Variants in SIM2 observed in about 807,000 individuals in gnomAD.
SIM2 encodes the protein SIM bHLH transcription factor 2.
In SIM2, 28 loss-of-function variants were observed where a neutral mutation model predicts 64.8. The ratio of observed to expected loss-of-function variants is 0.43; its 90% confidence interval spans 0.32 to 0.59. The LOEUF (loss-of-function observed/expected upper bound fraction) is 0.59, where lower values mean the gene tolerates loss of function less well. Among genes scored for constraint, SIM2 ranks in the 20% least tolerant of loss-of-function variants. The pLI is 0.07. For missense variants in SIM2, 847 were observed against 871.4 expected (o/e 0.97, Z 0.35); for synonymous variants, 408 against 391.1 (o/e 1.04, Z -0.51).
chr21:36,744,934 G>A lies in SIM2; in HGVS notation c.1374G>A (p.Lys458=). The A allele has an allele frequency of 6.2e-6, 10 of 1,614,250 alleles. No individual in the cohort carries two copies. The highest frequency in any genetic ancestry group is 7.6e-6 in the Non-Finnish European group (9 of 1,180,042). Residue 458 remains lysine, a synonymous_variant, in exon 10 of 11, where the codon AAG becomes AAA. Transcript: ENST00000290399. The stretch of plus-strand genomic sequence containing the variant: ...ACTCTCACGTCTTCAGCAGCAAAAA[G>A]CCAATGTTGCCGGCCAAGTTCGGGC... ...PLDSHVFSSK[K]PMLPAKFGQP...
rs201184834 is a variant in SIM2, at chr21:36,726,178, C to T, written c.603C>T (p.Tyr201=). 131 of 1,613,898 alleles carry T rather than the reference C, an allele frequency of 8.1e-5. No individual in the cohort carries two copies. Among genetic ancestry groups the T allele is most frequent in the South Asian group, 3.0e-4 (27 of 91,080 alleles). The change falls in exon 6 of 11, where the codon TAC becomes TAT. Residue 201 remains tyrosine (Y), a synonymous_variant. Transcript: ENST00000290399. This position sits in a 1 kb window ranked among gnomAD's most constrained non-coding sequence, Gnocchi z 4.5. ...AGTATATGCTGGACATGTCCCTGTA[C>T]GACTCCTGCTACCAGATTGTGGGGC... ...IRQYMLDMSL[Y]DSCYQIVGLV...
At chr21:36,732,561 C>T (rs1343404761) in intron 7 of SIM2, among the ~76,000 whole-genome samples, 2 of 152,206 alleles carry the variant, frequency 1.3e-5, no homozygotes, top group Admixed American at 6.5e-5. Flanking sequence ...GACAGAAACC[C>T]GTGACAACCA....
chr21:36,737,961 CAAAA>C (rs61252184), intron 7 of SIM2, among the ~76,000 whole-genome samples: 4 of 34,116 alleles, frequency 1.2e-4, no homozygotes, highest in Non-Finnish European at 2.1e-4. Context: ...GACCCTGTCT[CAAAA>C]AAAAAAAAAA....
In SIM2 at chr21:36,726,202, G is replaced by A; in HGVS notation, c.627G>A (p.Gly209=). 6.2e-7 allele frequency: 1 copy of A among 1,613,940 alleles called. No individual in the cohort carries two copies. Among genetic ancestry groups the A allele is most frequent in the Non-Finnish European group, 8.5e-7 (1 of 1,180,010 alleles). Residue 209 remains glycine, a synonymous_variant, in exon 6 of 11, where the codon GGG becomes GGA. Transcript: ENST00000290399. This position sits in a 1 kb window ranked among gnomAD's most constrained non-coding sequence, Gnocchi z 4.5. The part of the protein sequence containing the change: ...SLYDSCYQIV[G]LVAVGQSLPP... The stretch of plus-strand genomic sequence containing the variant: ...ACGACTCCTGCTACCAGATTGTGGG[G>A]CTGGTGGCCGTGGGCCAGTCGCTGC...
Position 36,749,421 on chromosome 21 carries a change from A to G in SIM2, c.*1329A>G, listed in dbSNP as rs1454456278. The stretch of plus-strand genomic sequence containing the variant: ...TCGTTCTAAAATCAAGTGCACCTAC[A>G]CCAACTGCTCTCAAAATGTGAACTG... On this transcript the variant is annotated 3_prime_UTR_variant, in exon 11 of 11. Transcript: ENST00000290399. 6.7e-6 allele frequency: 1 copy of G among 150,116 alleles called. No homozygotes were observed. The highest frequency in any genetic ancestry group is 2.5e-5 in the African/African-American group (1 of 40,616). The allele number at this position is 150,116 out of a possible 1,614,324, so 9.3% of individuals were successfully genotyped here.
At chr21:36,728,818 C>T (rs1601701580) in intron 6 of SIM2, among the ~76,000 whole-genome samples, 1 of 152,346 alleles carries the variant, frequency 6.6e-6, no homozygotes, top group African/African-American at 2.4e-5. Context: ...TGCCCGAAGT[C>T]CAGCGGCCCC....
At chr21:36,735,719 T>C (rs892255200) in intron 7 of SIM2, among the ~76,000 whole-genome samples, 1 of 152,196 alleles carries the variant, frequency 6.6e-6, no homozygotes, top group African/African-American at 2.4e-5. Context: ...CCAGGCACAA[T>C]TCAGCCCTCA....
At position 36,749,673 on chromosome 21, in the gene SIM2, A is replaced by C. The variant is rs2089308942; in HGVS notation, c.*1581A>C. On this transcript the variant is annotated 3_prime_UTR_variant, in exon 11 of 11. Transcript: ENST00000290399. ...CCTTGTGAGTGTGTGCACAGGAAAT[A>C]AGCCGAGGGTATTATTTTTTTATGT... The C allele has an allele frequency of 6.6e-6, 1 of 152,186 alleles. No homozygotes were observed. The highest frequency in any genetic ancestry group is 2.1e-4 in the South Asian group (1 of 4,834). The allele number at this position is 152,186 out of a possible 1,614,324, so 9.4% of individuals were successfully genotyped here.
At chr21:36,706,986 A>G (rs998608095) in intron 1 of SIM2, among the ~76,000 whole-genome samples, 29 of 152,234 alleles carry the variant, frequency 1.9e-4, no homozygotes, top group African/African-American at 6.8e-4. Context: ...GGAAGCTTTC[A>G]GGAGATCCCG....
In SIM2 at chr21:36,744,695, G is replaced by A. The variant is rs574977504; in HGVS notation, c.1168-33G>A. On this transcript the variant is annotated intron_variant, in intron 9 of 10. Coordinates refer to ENST00000290399, the MANE Select transcript of SIM2 (RefSeq NM_005069.6). ...GAAGGCAGCTTCCTGCCGGCCCCTC[G>A]CTGGCCCTTCATCCATCTTCTTTGC... is the stretch of plus-strand genomic sequence containing the variant. 126 of 1,535,120 alleles carry A rather than the reference G, an allele frequency of 8.2e-5. 2 individuals carry two copies. The South Asian group carries it at 1.4e-3, about 17-fold the overall frequency.
intron 4 of SIM2, 46 bp downstream of exon 4, chr21:36,719,975 G>C (rs771319526): frequency 7.5e-7 from 1 of 1,329,282 alleles, no homozygotes; most frequent in African/African-American, 1.5e-5. Flanking sequence ...AAAGCAAGGC[G>C]ACATTCTTAA....
chr21:36,743,283 A>G (rs1285774669), intron 8 of SIM2, 104 bp from the exon 9 acceptor site: 1 of 948,876 alleles, frequency 1.1e-6, no homozygotes, highest in Admixed American at 2.3e-5. Flanking sequence ...CAGTGAAAAG[A>G]CACACTGGAG....
chr21:36,743,920 C>A (rs2089195784), intron 9 of SIM2, among the ~76,000 whole-genome samples: 1 of 152,210 alleles, frequency 6.6e-6, no homozygotes, highest in African/African-American at 2.4e-5. Context: ...AAAGCCCTCC[C>A]TCTTTTTAAA....
At chr21:36,731,347 G>C (rs1276681224) in intron 7 of SIM2, among the ~76,000 whole-genome samples, 196 bp downstream of exon 7, 2 of 152,132 alleles carry the variant, frequency 1.3e-5, no homozygotes, top group African/African-American at 4.8e-5. Flanking sequence ...AAGCAGCCAC[G>C]CGCACCCTTT....
chr21:36,738,062 C>A (rs1318363373), intron 7 of SIM2, among the ~76,000 whole-genome samples: 2 of 151,024 alleles, frequency 1.3e-5, no homozygotes, highest in Admixed American at 1.3e-4. Flanking sequence ...AAGAGCTTAG[C>A]GAGCACTAGT....
In SIM2 at chr21:36,699,742, G is replaced by T. The variant is rs767710323; in HGVS notation, c.-5G>T. On this transcript the variant is annotated 5_prime_UTR_variant, in exon 1 of 11. Transcript: ENST00000290399. The surrounding 1 kb of genome is among the most constrained non-coding windows in gnomAD (Gnocchi z 5.6). ...CGGGTCTAATATGCCCGGAGCCGAG[G>T]CGCGATGAAGGAGAAGTCCAAGAAT... is the stretch of plus-strand genomic sequence containing the variant. The T allele has an allele frequency of 1.2e-6, 2 of 1,612,212 alleles. No individual in the cohort carries two copies. Among genetic ancestry groups the T allele is most frequent in the South Asian group, 2.2e-5 (2 of 90,882 alleles).
chr21:36,727,420 GC>G (rs2088906584), intron 6 of SIM2, among the ~76,000 whole-genome samples: 1 of 152,202 alleles, frequency 6.6e-6, no homozygotes, highest in South Asian at 2.1e-4. Flanking sequence ...ACATTGTGAT[GC>G]TTTGACACAT....
At chr21:36,746,123 C>A in intron 10 of SIM2, 1 of 399,232 alleles carries the variant, frequency 2.5e-6, no homozygotes, top group Non-Finnish European at 3.7e-6. Context: ...TGCGACAAGC[C>A]TGCCAACAAG....
At chr21:36,737,961 C>CAAAAAAA (rs61252184) in intron 7 of SIM2, among the ~76,000 whole-genome samples, 8,402 of 33,954 alleles carry the variant, frequency 0.25, 1,861 homozygotes, top group Non-Finnish European at 0.31. Flanking sequence ...GACCCTGTCT[C>CAAAAAAA]AAAAAAAAAA....
Sources: gnomAD v4.1 joint callset for allele counts (sites outside exome capture counted in the v4.1 genomes callset) on GRCh38, gnomAD v4.1.1 for gene constraint, Gnocchi (gnomAD v3.1) non-coding constraint, MANE v1.5 for transcripts, NCBI Gene and HGNC (gene_info 2026-07-23, HGNC 2026-07-21) for gene names.